Variants in ACOT11 observed in about 807,000 individuals in gnomAD.
ACOT11 encodes acyl-CoA thioesterase 11.
ACOT11 carries 69 observed loss-of-function variants against 77.5 expected under a neutral mutation model. That is an observed-to-expected ratio of 0.89 (90% CI 0.73 to 1.09). The LOEUF is 1.09. Ranked by LOEUF, ACOT11 falls within the 50% of genes least tolerant of loss-of-function variation. The pLI is 0.00. For synonymous variants in ACOT11, 279 were observed against 313.0 expected (o/e 0.89, Z 1.15); for missense variants, 766 against 813.7 (o/e 0.94, Z 0.71).
Position 54,604,414 on chromosome 1 carries a change from C to T in ACOT11, c.1221C>T (p.Ser407=), listed in dbSNP as rs1359199473. 6.2e-7 allele frequency: 1 copy of T among 1,613,934 alleles called. No individual in the cohort carries two copies. Among genetic ancestry groups the T allele is most frequent in the Non-Finnish European group, 8.5e-7 (1 of 1,180,006 alleles). ...TGGCCAAGGACAACTGGGTGCTGTCCTCGGAGATCAGTCAGGTAGCTGACC... is the reference window on the plus strand; with the variant it reads ...TGGCCAAGGACAACTGGGTGCTGTCTTCGGAGATCAGTCAGGTAGCTGACC... ...MLVAKDNWVL[S]SEISQVRLYT... Residue 407 remains serine, a synonymous_variant, in exon 12 of 16, where the codon TCC becomes TCT. Transcript: ENST00000343744.
At chr1:54,591,983 C>T (rs1022713907) in intron 3 of ACOT11, among the ~76,000 whole-genome samples, 7 of 152,190 alleles carry the variant, frequency 4.6e-5, no homozygotes, top group African/African-American at 1.7e-4. Context: ...TAGCATCTTG[C>T]CCTTACCAGG....
chr1:54,551,969 C>T (rs367692880), intron 1 of ACOT11, among the ~76,000 whole-genome samples: 21 of 152,202 alleles, frequency 1.4e-4, no homozygotes, highest in African/African-American at 5.1e-4. Flanking sequence ...TTACCTTGAA[C>T]CTGAGGACAG....
At chr1:54,639,192 CAAAAAAAAAAAAAA>C (rs71254226), downstream of ACOT11, 2 of 53,838 alleles carry the variant, frequency 3.7e-5, no homozygotes, top group Non-Finnish European at 3.6e-5. Context: ...GATACTGTCT[CAAAAAAAAAAAAAA>C]AAAAAAAAAG....
intron 1 of ACOT11, among the ~76,000 whole-genome samples, chr1:54,580,226 C>G (rs569687272): frequency 6.6e-6 from 1 of 152,276 alleles, no homozygotes; most frequent in African/African-American, 2.4e-5. Context: ...CTGTGCACAG[C>G]CTGTGTCAGG....
In ACOT11 at chr1:54,584,522, G is replaced by A. The variant is rs1352670679; in HGVS notation, c.34-133G>A. ...GCTGGAGGGTGGTGACCACTCTCGG[G>A]TTGGGGTCTGGTGGGAGGTGGCCCT... On this transcript the variant is annotated intron_variant, in intron 1 of 15. Coordinates refer to ENST00000343744, the MANE Select transcript of ACOT11 (RefSeq NM_147161.4). This position sits in a 1 kb window ranked among gnomAD's most constrained non-coding sequence, Gnocchi z 6.3. 3.8e-6 allele frequency: 3 copies of A among 788,536 alleles called. No individual in the cohort carries two copies. The highest frequency in any genetic ancestry group is 3.5e-5 in the African/African-American group (2 of 57,702). The allele number at this position is 788,536 out of a possible 1,614,324, so 48.8% of individuals were successfully genotyped here. A position where few individuals can be genotyped will look rare whatever the true frequency, so the allele number is the denominator to read the frequency against.
At position 54,605,346 on chromosome 1, in the gene ACOT11, G is replaced by T. The variant is rs1454286303; in HGVS notation, c.1370+137G>T. On this transcript the variant is annotated intron_variant, in intron 13 of 15. Transcript: ENST00000343744. ...GGTGGGTTGGAGTTCCATGCTGGGT[G>T]GGGGTTCAGGGTCATGGGTATTTTG... 14 of 1,348,142 alleles carry T rather than the reference G, an allele frequency of 1.0e-5. No individual in the cohort carries two copies. In the South Asian group the frequency reaches 1.1e-4, roughly 10 times the overall value. 83.5% of individuals were successfully genotyped at this position (1,348,142 alleles called of 1,614,324 possible). A position where few individuals can be genotyped will look rare whatever the true frequency, so the allele number is the denominator to read the frequency against.
At chr1:54,552,661 A>G (rs1008496218) in intron 1 of ACOT11, among the ~76,000 whole-genome samples, 3 of 151,560 alleles carry the variant, frequency 2.0e-5, no homozygotes, top group South Asian at 2.1e-4. Context: ...AATTTTTTCT[A>G]TTTTTAGTAG....
At chr1:54,566,288 C>G (rs1478292976) in intron 1 of ACOT11, among the ~76,000 whole-genome samples, 1 of 152,064 alleles carries the variant, frequency 6.6e-6, no homozygotes, top group African/African-American at 2.4e-5. Context: ...GATACCCCAT[C>G]TCTACTAAAA....
intron 3 of ACOT11, among the ~76,000 whole-genome samples, chr1:54,588,125 G>A (rs1293502013): frequency 6.6e-6 from 1 of 151,934 alleles, no homozygotes. Context: ...GATCACTTGA[G>A]CCTGGGAGGT....
At chr1:54,615,988 G>A in intron 15 of ACOT11, 6 of 1,609,896 alleles carry the variant, frequency 3.7e-6, no homozygotes, top group Middle Eastern at 2.1e-4. Flanking sequence ...AGAGGGCTGG[G>A]GGCCGGAGAG....
chr1:54,567,295 T>C (rs1653767993), intron 1 of ACOT11, among the ~76,000 whole-genome samples: 1 of 151,454 alleles, frequency 6.6e-6, no homozygotes, highest in African/African-American at 2.4e-5. Context: ...TTTTTTTTTT[T>C]TGAGATGCAG....
intron 1 of ACOT11, among the ~76,000 whole-genome samples, chr1:54,576,581 T>C (rs963639457): frequency 6.6e-6 from 1 of 151,510 alleles, no homozygotes; most frequent in African/African-American, 2.4e-5. Context: ...AAAGATGTTA[T>C]CTGGAAAAGT....
intron 1 of ACOT11, among the ~76,000 whole-genome samples, chr1:54,583,680 G>A (rs1018647453): frequency 4.7e-5 from 7 of 149,458 alleles, no homozygotes; most frequent in African/African-American, 1.8e-4. Flanking sequence ...TCATAGGTTT[G>A]TTGGGAGGAT....
rs142456850 is a variant in ACOT11, at chr1:54,626,854, T to TTTTATTTA, written c.1630-3868_1630-3861dup. ...TGACACTCTTATGAAGGAGGCATTCTTTTATTTATTTATTTATTTTTGAGG... is the reference window on the plus strand; with the variant it reads ...TGACACTCTTATGAAGGAGGCATTCTTTTATTTATTTATTTATTTATTTATTTTTGAGG... On this transcript the variant is annotated intron_variant, in intron 15 of 16. Coordinates refer to the ACOT11 transcript ENST00000371316. Among the ~76,000 whole-genome samples the TTTTATTTA allele has an allele frequency of 6.0e-5, 8 of 134,008 alleles. 2 individuals are homozygous for TTTTATTTA. 87.9% of individuals were successfully genotyped at this position (134,008 alleles called of 152,430 possible).
At chr1:54,566,929 G>C (rs764496100) in intron 1 of ACOT11, among the ~76,000 whole-genome samples, 1 of 152,150 alleles carries the variant, frequency 6.6e-6, no homozygotes, top group Non-Finnish European at 1.5e-5. Flanking sequence ...AGTCACTGTT[G>C]AAATGTCACT....
intron 9 of ACOT11, 61 bp from the exon 10 acceptor site, chr1:54,602,608 T>C (rs1156667785): frequency 1.4e-6 from 2 of 1,390,436 alleles, no homozygotes. Context: ...CCCTGGGGGA[T>C]GGAGAGGGGG....
Position 54,567,887 on chromosome 1 carries a change from C to T in ACOT11, c.34-16768C>T, listed in dbSNP as rs187534825. ...CTCCATCCTAAAGTTCACCTCCACA[C>T]AGCAGCAGAGTGATCTTACAACGCA... On this transcript the variant is annotated intron_variant, in intron 1 of 15. Transcript: ENST00000343744. Among the ~76,000 whole-genome samples the T allele has an allele frequency of 2.0e-3, 302 of 152,346 alleles. 2 individuals carry two copies. Among genetic ancestry groups the T allele is most frequent in the Admixed American group, 8.7e-3 (133 of 15,308 alleles).
In ACOT11 at chr1:54,605,208, C is replaced by T. The variant is rs375098916; in HGVS notation, c.1369C>T (p.Arg457Trp). ...RQRPEWDKHY[R>W]SVELVQQVDE... Reference sequence around the variant, plus strand: ...GAGGCCAGAGTGGGACAAGCACTACCGGTGAGGGGCCAGGGTGAGGGCAGG... The same window carrying T: ...GAGGCCAGAGTGGGACAAGCACTACTGGTGAGGGGCCAGGGTGAGGGCAGG... Residue 457 changes from arginine (R) to tryptophan (W), a missense_variant and splice_region_variant, in exon 13 of 16, where the codon CGG becomes TGG. Physicochemically the swap from Arg to Trp is moderately radical, Grantham distance 101. Transcript: ENST00000343744. 3.0e-5 allele frequency: 48 copies of T among 1,612,600 alleles called. No homozygotes were observed. Among genetic ancestry groups the T allele is most frequent in the East Asian group, 6.7e-5 (3 of 44,886 alleles).
At position 54,597,285 on chromosome 1, in the gene ACOT11, A is replaced by G. The variant is rs780109175; in HGVS notation, c.634A>G (p.Met212Val). The G allele has an allele frequency of 7.4e-6, 12 of 1,613,390 alleles. No individual in the cohort carries two copies. Among genetic ancestry groups the G allele is most frequent in the Non-Finnish European group, 1.0e-5 (12 of 1,179,994 alleles). ...TCTGGAGAGCAGAGACTGTAGCCGC[A>G]TGGTGCCGGCTGAGAAGACCCGTGT... The part of the protein sequence containing the change: ...GDLESRDCSR[M>V]VPAEKTRVES... Residue 212 changes from methionine to valine, a missense_variant, in exon 7 of 16, where the codon ATG becomes GTG. By Grantham distance (21) the Met-to-Val change is conservative (BLOSUM62 1). Transcript: ENST00000343744.
Sources: allele counts gnomAD v4.1 joint callset (sites outside exome capture counted in the v4.1 genomes callset), GRCh38; gene constraint gnomAD v4.1.1; non-coding constraint Gnocchi (gnomAD v3.1); transcripts MANE v1.5; gene names NCBI Gene and HGNC (gene_info 2026-07-23, HGNC 2026-07-21).